The following WARS2 variants were observed in gnomAD, a reference collection of about 807,000 sequenced individuals.
WARS2 encodes the protein tryptophanyl tRNA synthetase 2, mitochondrial.
WARS2 carries 28 observed loss-of-function variants against 36.5 expected under a neutral mutation model. The observed-to-expected ratio is 0.77, with a 90% CI of 0.57 to 1.05. The LOEUF is 1.05. Ranked by LOEUF, WARS2 falls within the 50% of genes least tolerant of loss-of-function variation. The pLI, the probability that WARS2 is intolerant of heterozygous loss-of-function variation, is 0.00. For synonymous variants in WARS2, 174 were observed against 178.4 expected (o/e 0.98, Z 0.20); for missense variants, 435 against 456.8 (o/e 0.95, Z 0.44).
chr1:119,039,695 C>T (rs187388719), intron 4 of WARS2, among the ~76,000 whole-genome samples: 12 of 152,270 alleles, frequency 7.9e-5, no homozygotes, highest in Non-Finnish European at 1.0e-4. Flanking sequence ...AAAATAGTTA[C>T]ATAAATCTTT....
At position 119,116,025 on chromosome 1, in the gene WARS2, G is replaced by A. The variant is rs183980658; in HGVS notation, c.90+24530C>T. Among the ~76,000 whole-genome samples the A allele has an allele frequency of 3.3e-3, 495 of 152,220 alleles. 3 individuals carry two copies. The highest frequency in any genetic ancestry group is 5.7e-3 in the Non-Finnish European group (389 of 68,008). ...ACTAGCATAAGCATTATGCGTTTGC[G>A]CTATTGTGTAAGCATACACTAGACC... On this transcript the variant is annotated intron_variant, in intron 1 of 5. Transcript: ENST00000235521.
At chr1:119,067,801 C>T (rs1245411065) in intron 2 of WARS2, among the ~76,000 whole-genome samples, 1 of 151,340 alleles carries the variant, frequency 6.6e-6, no homozygotes, top group Non-Finnish European at 1.5e-5. Flanking sequence ...TGTCTGGCTT[C>T]AAAGCCTCTA....
Position 119,042,291 on chromosome 1 carries a change from A to C in WARS2, c.488T>G (p.Leu163Arg). The change falls in exon 4 of 6, where the codon CTC becomes CGC. Residue 163 changes from leucine (L) to arginine (R), a missense_variant. Coordinates refer to ENST00000235521, the MANE Select transcript of WARS2 (RefSeq NM_015836.4). ...GTACAACAGAATGTCGGCTGCCTGGAGTACTGGGTATGTGAGCAGGCCCAC... is the reference window on the plus strand; with the variant it reads ...GTACAACAGAATGTCGGCTGCCTGGCGTACTGGGTATGTGAGCAGGCCCAC... ...GTVGLLTYPV[L>R]QAADILLYKS... 6.2e-7 allele frequency: 1 copy of C among 1,613,878 alleles called. No homozygotes were observed. Among genetic ancestry groups the C allele is most frequent in the Non-Finnish European group, 8.5e-7 (1 of 1,179,926 alleles).
intron 2 of WARS2, among the ~76,000 whole-genome samples, chr1:119,072,197 G>A (rs1025043195): frequency 6.6e-6 from 1 of 152,154 alleles, no homozygotes; most frequent in African/African-American, 2.4e-5. Context: ...AAGGCATGAG[G>A]AGGACCTTTC....
intron 1 of WARS2, among the ~76,000 whole-genome samples, chr1:119,080,565 A>G (rs967764708): frequency 6.6e-6 from 1 of 152,202 alleles, no homozygotes; most frequent in Non-Finnish European, 1.5e-5. Flanking sequence ...CTGTTAAAAA[A>G]ATACAGCCTC....
At chr1:119,091,297 T>C (rs1363276629) in intron 1 of WARS2, among the ~76,000 whole-genome samples, 1 of 152,354 alleles carries the variant, frequency 6.6e-6, no homozygotes, top group East Asian at 1.9e-4. Flanking sequence ...GCAAGAGCTA[T>C]AAATGTATTA....
intron 1 of WARS2, among the ~76,000 whole-genome samples, chr1:119,102,289 C>T (rs1354664211): frequency 2.0e-5 from 3 of 152,216 alleles, no homozygotes. Context: ...TTACTTAGAA[C>T]TAATTTTAAA....
At chr1:119,099,612 T>C (rs1366014270) in intron 1 of WARS2, among the ~76,000 whole-genome samples, 2 of 152,180 alleles carry the variant, frequency 1.3e-5, no homozygotes, top group African/African-American at 4.8e-5. Flanking sequence ...GTCATCTAGT[T>C]AGTAGAGGAT....
intron 1 of WARS2, among the ~76,000 whole-genome samples, chr1:119,123,685 T>G (rs968905720): frequency 3.3e-5 from 5 of 152,152 alleles, no homozygotes; most frequent in Non-Finnish European, 5.9e-5. Context: ...CACTTCCTCC[T>G]CATCTTTTAC....
intron 1 of WARS2, among the ~76,000 whole-genome samples, chr1:119,088,435 A>AAC (rs113752727): frequency 0.22 from 32,790 of 148,928 alleles, 3,945 homozygotes; most frequent in East Asian, 0.36. Context: ...GAAACACTGA[A>AAC]ACACACACAC....
intron 2 of WARS2, among the ~76,000 whole-genome samples, chr1:119,066,477 CAAAAAAAAAA>C (rs34709639): frequency 4.3e-5 from 2 of 46,498 alleles, no homozygotes; most frequent in African/African-American, 7.9e-5. Flanking sequence ...GGCTCTGTCT[CAAAAAAAAAA>C]AAAAAAAAAA....
chr1:119,139,737 T>C (rs1180105073), intron 1 of WARS2: 1 of 152,178 alleles, frequency 6.6e-6, no homozygotes, highest in Non-Finnish European at 1.5e-5. Flanking sequence ...TCTCTCTAGT[T>C]CCCAGAATAT....
rs1252414770 is a variant in WARS2 at position 119,138,991 on chromosome 1, C to CT, written c.90+1563dup. Among the ~76,000 whole-genome samples the CT allele has an allele frequency of 5.3e-5, 8 of 152,084 alleles. No individual in the cohort carries two copies. The South Asian group carries it at 1.2e-3, about 24-fold the overall frequency. ...CAGTCATTAGCAGGCTGCAGTTTGT[C>CT]TTTTTTTTCTCTCTCTCTTTGATTC... is the stretch of plus-strand genomic sequence containing the variant. On this transcript the variant is annotated intron_variant, in intron 1 of 5. Transcript: ENST00000235521.
intron 2 of WARS2, among the ~76,000 whole-genome samples, chr1:119,066,297 T>A (rs1221676028): frequency 6.6e-6 from 1 of 151,494 alleles, no homozygotes; most frequent in Non-Finnish European, 1.5e-5. Flanking sequence ...GCTAATACGG[T>A]GAAACCCCGT....
At position 119,049,809 on chromosome 1, in the gene WARS2, A is replaced by G. The variant is rs997889986; in HGVS notation, c.349-4147T>C. On this transcript the variant is annotated intron_variant, in intron 2 of 5. Coordinates refer to ENST00000235521, the MANE Select transcript of WARS2 (RefSeq NM_015836.4). ...TTGCCTCTACCTTCAAAATATATTC[A>G]AAGTCTCACCACTTTTCACCACATC... is the stretch of plus-strand genomic sequence containing the variant. Among the ~76,000 whole-genome samples the G allele has an allele frequency of 2.6e-5, 4 of 152,172 alleles. 1 individual carries two copies. Among genetic ancestry groups the G allele is most frequent in the Admixed American group, 2.6e-4 (4 of 15,276 alleles).
At chr1:119,056,338 A>G (rs1052663536) in intron 2 of WARS2, among the ~76,000 whole-genome samples, 1 of 150,838 alleles carries the variant, frequency 6.6e-6, no homozygotes, top group Non-Finnish European at 1.5e-5. Flanking sequence ...CGCCTGGCCC[A>G]TACCAATTTT....
chr1:119,037,898 G>A (rs796580773), intron 4 of WARS2, among the ~76,000 whole-genome samples: 12 of 152,276 alleles, frequency 7.9e-5, no homozygotes, highest in African/African-American at 2.9e-4. Flanking sequence ...GCCCATATTA[G>A]ACTAGTGAAA....
At position 119,034,217 on chromosome 1, in the gene WARS2, T is replaced by C. The variant is rs1184024436; in HGVS notation, c.516-4A>G. The stretch of plus-strand genomic sequence containing the variant: ...CCCAACAGGAACGTGTGTGGACCTT[T>C]AATAAAAGACAGACAGAAAAACAAC... On this transcript the variant is annotated splice_polypyrimidine_tract_variant and splice_region_variant and intron_variant, in intron 4 of 5. Transcript: ENST00000235521. The C allele has an allele frequency of 5.0e-6, 8 of 1,611,312 alleles. No homozygotes were observed. The highest frequency in any genetic ancestry group is 6.8e-6 in the Non-Finnish European group (8 of 1,177,942).
intron 2 of WARS2, among the ~76,000 whole-genome samples, chr1:119,065,940 T>C (rs1207402172): frequency 2.0e-5 from 3 of 152,256 alleles, no homozygotes; most frequent in African/African-American, 7.2e-5. Flanking sequence ...TTAAAAATAC[T>C]GTAAATAAAA....
Sources: allele counts gnomAD v4.1 joint callset (sites outside exome capture counted in the v4.1 genomes callset), GRCh38; gene constraint gnomAD v4.1.1; transcripts MANE v1.5; gene names NCBI Gene and HGNC (gene_info 2026-07-23, HGNC 2026-07-21).